Variants in DLG2 observed in about 807,000 individuals in gnomAD.
DLG2 encodes discs large MAGUK scaffold protein 2.
Under a neutral mutation model 132.5 loss-of-function variants are expected in DLG2, and 45 were observed. That is an observed-to-expected ratio of 0.34 (90% CI 0.27 to 0.44). The LOEUF (loss-of-function observed/expected upper bound fraction) is 0.44, where lower values mean the gene tolerates loss of function less well. Among genes scored for constraint, DLG2 ranks in the 20% least tolerant of loss-of-function variants. DLG2 has a pLI of 1.00. For missense variants in DLG2, 1,045 were observed against 1,196.9 expected (o/e 0.87, Z 1.87); for synonymous variants, 424 against 419.6 (o/e 1.01, Z -0.13).
chr11:85,595,060 G>GT (rs1198117379), intron 3 of DLG2, among the ~76,000 whole-genome samples: 5 of 107,512 alleles, frequency 4.7e-5, no homozygotes, highest in Non-Finnish European at 6.8e-5. Flanking sequence ...GTGAGACTCT[G>GT]TCTCAAAAAA....
chr11:84,248,747 G>A (rs907205504), intron 8 of DLG2, among the ~76,000 whole-genome samples: 1 of 152,088 alleles, frequency 6.6e-6, no homozygotes, highest in Admixed American at 6.5e-5. Flanking sequence ...CACTCCTGTA[G>A]TCCCAGCTAC....
At chr11:84,118,069 C>T (rs2093721991) in intron 9 of DLG2, among the ~76,000 whole-genome samples, 1 of 152,030 alleles carries the variant, frequency 6.6e-6, no homozygotes, top group Non-Finnish European at 1.5e-5. Context: ...GTTGGCCAGG[C>T]TGGTCTTGAA....
intron 3 of DLG2, among the ~76,000 whole-genome samples, chr11:85,308,598 T>C (rs978062124): frequency 3.9e-5 from 6 of 152,224 alleles, no homozygotes; most frequent in African/African-American, 1.4e-4. Flanking sequence ...TTTTGTCCTT[T>C]GGACCTAAGT....
chr11:84,261,243 C>T, intron 7 of DLG2, among the ~76,000 whole-genome samples: 1 of 152,182 alleles, frequency 6.6e-6, no homozygotes, highest in East Asian at 1.9e-4. Flanking sequence ...CATCCTTCTT[C>T]TCTCTTTTCC....
chr11:84,558,818 A>AT (rs376770512), intron 6 of DLG2, among the ~76,000 whole-genome samples: 11 of 151,952 alleles, frequency 7.2e-5, no homozygotes, highest in African/African-American at 2.7e-4. Flanking sequence ...TATCTTCTTT[A>AT]TTTTTTTGCA....
rs746035708 is a variant in DLG2 at position 84,220,689 on chromosome 11, G to A, written c.573+30549C>T. On this transcript the variant is annotated intron_variant, in intron 8 of 27. Coordinates refer to ENST00000376104, the MANE Select transcript of DLG2 (RefSeq NM_001142699.3). ...TATAAAAATTACAGCTACCAAATGA[G>A]TTTAGGGGATTAAGAATACCAACCA... Among the ~76,000 whole-genome samples, 37 of 150,802 alleles carry A rather than the reference G, an allele frequency of 2.5e-4. 1 individual carries two copies. The highest frequency in any genetic ancestry group is 8.8e-4 in the African/African-American group (36 of 41,020).
At chr11:85,180,761 AGG>A (rs971002795) in intron 4 of DLG2, among the ~76,000 whole-genome samples, 3 of 151,980 alleles carry the variant, frequency 2.0e-5, no homozygotes, top group African/African-American at 7.2e-5. Flanking sequence ...CTTATACATC[AGG>A]GGAAAAGATC....
intron 15 of DLG2, among the ~76,000 whole-genome samples, chr11:83,876,627 C>T (rs1262721587): frequency 1.3e-5 from 2 of 151,914 alleles, no homozygotes; most frequent in East Asian, 1.9e-4. Context: ...TATAAGTATT[C>T]CCATACACAA....
intron 7 of DLG2, among the ~76,000 whole-genome samples, chr11:84,487,055 G>A (rs2099152862): frequency 6.6e-6 from 1 of 152,138 alleles, no homozygotes; most frequent in Non-Finnish European, 1.5e-5. Flanking sequence ...TTTGTTTTCA[G>A]GAGAAATGTC....
At chr11:83,891,082 G>T (rs947418231) in intron 15 of DLG2, among the ~76,000 whole-genome samples, 3 of 152,150 alleles carry the variant, frequency 2.0e-5, no homozygotes, top group Non-Finnish European at 4.4e-5. Flanking sequence ...AGATATTACA[G>T]TTTAATCTCA....
At chr11:84,508,006 GAC>G (rs891576960) in intron 7 of DLG2, among the ~76,000 whole-genome samples, 4 of 152,136 alleles carry the variant, frequency 2.6e-5, no homozygotes, top group Admixed American at 1.3e-4. Context: ...CTTTGATAGA[GAC>G]ACAGTGTACT....
At chr11:83,880,474 G>C (rs2065906634) in intron 15 of DLG2, among the ~76,000 whole-genome samples, 1 of 152,120 alleles carries the variant, frequency 6.6e-6, no homozygotes, top group Admixed American at 6.5e-5. Flanking sequence ...GATCTGGCTG[G>C]GTAGGCATTT....
intron 3 of DLG2, among the ~76,000 whole-genome samples, chr11:85,355,243 TA>T (rs1238609603): frequency 1.3e-5 from 2 of 152,172 alleles, no homozygotes; most frequent in Admixed American, 6.6e-5. Flanking sequence ...TTTCTAGGCA[TA>T]AAAGATTTGA....
chr11:85,590,078 A>T (rs2079215795), intron 3 of DLG2, among the ~76,000 whole-genome samples: 1 of 152,156 alleles, frequency 6.6e-6, no homozygotes, highest in Non-Finnish European at 1.5e-5. Flanking sequence ...TTAATATCTT[A>T]CTTGTTTAAT....
intron 6 of DLG2, among the ~76,000 whole-genome samples, chr11:84,554,966 A>T (rs181819632): frequency 6.6e-6 from 1 of 152,242 alleles, no homozygotes; most frequent in Admixed American, 6.5e-5. Flanking sequence ...TTGTGTTGGA[A>T]AAGAGTGTGG....
Position 84,167,012 on chromosome 11 carries a change from G to A in DLG2, c.574-3501C>T, listed in dbSNP as rs375686257. 5.6e-6 allele frequency: 3 copies of A among 533,098 alleles called. No homozygotes were observed. The African/African-American group carries it at 5.8e-5, about 10-fold the overall frequency. The allele number at this position is 533,098 out of a possible 1,614,324, so 33.0% of individuals were successfully genotyped here. ...GGGCCCGGAGAGCTTCACAGTTGGG[G>A]TTTCTGTTATTCCAGTTCTGGCCCT... On this transcript the variant is annotated intron_variant, in intron 8 of 27. Transcript: ENST00000376104.
chr11:85,470,286 T>C (rs901481419), intron 3 of DLG2, among the ~76,000 whole-genome samples: 1 of 150,974 alleles, frequency 6.6e-6, no homozygotes, highest in Non-Finnish European at 1.5e-5. Context: ...CCCTGGCCCA[T>C]TGATATCACT....
chr11:84,785,707 TA>T (rs1165723393), intron 6 of DLG2, among the ~76,000 whole-genome samples: 2 of 152,122 alleles, frequency 1.3e-5, no homozygotes, highest in Admixed American at 6.5e-5. Context: ...AGGTGATTTT[TA>T]AATAATATCT....
intron 3 of DLG2, among the ~76,000 whole-genome samples, chr11:85,533,182 C>A (rs2075334865): frequency 6.6e-6 from 1 of 152,068 alleles, no homozygotes; most frequent in African/African-American, 2.4e-5. Context: ...CATCACCACA[C>A]CTAGCTAATT....
Sources: gnomAD v4.1 joint callset for allele counts (sites outside exome capture counted in the v4.1 genomes callset) on GRCh38, gnomAD v4.1.1 for gene constraint, MANE v1.5 for transcripts, NCBI Gene and HGNC (gene_info 2026-07-23, HGNC 2026-07-21) for gene names.